The following CDHR5 variants were observed in gnomAD, a reference collection of about 807,000 sequenced individuals.
CDHR5 encodes cadherin-related family member 5.
A neutral mutation model predicts 69.5 loss-of-function variants in CDHR5; 82 were observed. The ratio of observed to expected loss-of-function variants is 1.18; its 90% CI spans 0.99 to 1.42. The LOEUF (loss-of-function observed/expected upper bound fraction) is 1.42. Among genes scored for constraint, CDHR5 ranks in the 40% most tolerant of loss-of-function variants. The pLI is 0.00. For missense variants in CDHR5, 1,293 were observed against 1,168.9 expected (o/e 1.11, Z -1.55); for synonymous variants, 601 against 510.2 (o/e 1.18, Z -2.40).
At position 624,938 on chromosome 11, in the gene CDHR5, G is replaced by A. The variant is rs1857644433; in HGVS notation, c.-36C>T. The A allele has an allele frequency of 1.3e-6, 2 of 1,503,792 alleles. No homozygotes were observed. 93.2% of individuals were successfully genotyped at this position (1,503,792 alleles called of 1,614,324 possible). On this transcript the variant is annotated 5_prime_UTR_variant, in exon 1 of 15. Coordinates refer to ENST00000397542, the MANE Select transcript of CDHR5 (RefSeq NM_021924.5). The surrounding 1 kb of genome is among the most constrained non-coding windows in gnomAD (Gnocchi z 5.3). ...GTCACCTGGCAGGAGGGTCTGAGCGGGTCTGGCGTCTAGGACTGGCGCAGT... is the reference window on the plus strand; with the variant it reads ...GTCACCTGGCAGGAGGGTCTGAGCGAGTCTGGCGTCTAGGACTGGCGCAGT...
chr11:617,576 G>A lies in CDHR5; in HGVS notation c.2313C>T (p.Pro771=). Residue 771 remains proline (P), a synonymous_variant, in exon 15 of 15, where the codon CCC becomes CCT. Transcript: ENST00000397542. ...PPAAARAGGS[P]TAVRSILTKE... is the part of the protein sequence containing the mutation. ...TGGTCAGGATGGACCTCACCGCCGT[G>A]GGGCTTCCGCCAGCTCGGGCCGCTG... is the stretch of plus-strand genomic sequence containing the variant. The A allele has an allele frequency of 1.2e-6, 2 of 1,611,466 alleles. No homozygotes were observed. The highest frequency in any genetic ancestry group is 1.7e-6 in the Non-Finnish European group (2 of 1,179,258).
chr11:621,826 T>G lies in CDHR5; in HGVS notation c.391A>C (p.Ile131Leu), dbSNP rs116176428. Residue 131 changes from isoleucine to leucine, a missense_variant, in exon 4 of 15, where the codon ATA becomes CTA. Physicochemically the swap from Ile to Leu is conservative, Grantham distance 5. Transcript: ENST00000397542. The surrounding 1 kb of genome is among the most constrained non-coding windows in gnomAD (Gnocchi z 4.4). ...GCTGGCCTCACCTCCTCCACCCTTA[T>G]CTCCTTGGTCTTAAAGGGGAATTCG... Reference protein sequence around the residue: ...APEFPFKTKEIRVEEDTKVNS... With the variant: ...APEFPFKTKELRVEEDTKVNS... 23,420 of 1,613,228 alleles carry G rather than the reference T, an allele frequency of 0.015. 201 individuals are homozygous for G. Among genetic ancestry groups the G allele is most frequent in the Non-Finnish European group, 0.018 (20,707 of 1,179,538 alleles).
Position 624,433 on chromosome 11 carries a change from C to G in CDHR5, c.261+124G>C. On this transcript the variant is annotated intron_variant, in intron 2 of 14. Coordinates refer to ENST00000397542, the MANE Select transcript of CDHR5 (RefSeq NM_021924.5). The surrounding 1 kb of genome is among the most constrained non-coding windows in gnomAD (Gnocchi z 5.3). ...CCCAGCCTTCTAGGGCAGGCACCAC[C>G]AAGCATGGGTGTCAGTGGATGCCCG... 9.7e-7 allele frequency: 1 copy of G among 1,030,436 alleles called. No homozygotes were observed. Among genetic ancestry groups the G allele is most frequent in the Non-Finnish European group, 1.5e-6 (1 of 659,850 alleles). The allele number at this position is 1,030,436 out of a possible 1,614,324, so 63.8% of individuals were successfully genotyped here.
chr11:616,973 AGCC>A lies in CDHR5; in HGVS notation c.*375_*377del. 7.7e-6 allele frequency: 2 copies of A among 258,192 alleles called. No homozygotes were observed. The highest frequency in any genetic ancestry group is 7.3e-5 in the South Asian group (1 of 13,752). 16.0% of individuals were successfully genotyped at this position (258,192 alleles called of 1,614,324 possible). On this transcript the variant is annotated 3_prime_UTR_variant, in exon 15 of 15. Transcript: ENST00000397542. ...GGTCGGGAGCGGGAGGTCTGAGATG[AGCC>A]GGGTGCCTGAGATCTCCGGTGCAGG...
At position 620,279 on chromosome 11, in the gene CDHR5, G is replaced by A. The variant is rs975784596; in HGVS notation, c.880+17C>T. 1 of 1,603,734 alleles carries A rather than the reference G, an allele frequency of 6.2e-7. No individual in the cohort carries two copies. The highest frequency in any genetic ancestry group is 8.5e-7 in the Non-Finnish European group (1 of 1,172,584). On this transcript the variant is annotated intron_variant, in intron 8 of 14. Coordinates refer to ENST00000397542, the MANE Select transcript of CDHR5 (RefSeq NM_021924.5). ...AGAGGGGGTACAGGGCATTGTTGAGGGCTGGGCCCCACTCACCCCTAAAGA... is the reference window on the plus strand; with the variant it reads ...AGAGGGGGTACAGGGCATTGTTGAGAGCTGGGCCCCACTCACCCCTAAAGA...
chr11:619,885 G>A lies in CDHR5; in HGVS notation c.979-4C>T, dbSNP rs1304193158. On this transcript the variant is annotated splice_polypyrimidine_tract_variant and splice_region_variant and intron_variant, in intron 9 of 14. Transcript: ENST00000397542. ...GGGCAAGGTCGGCCTGTTGGCCCTG[G>A]AGGCGGGGGAGGCAGCAGTGACTAG... 6.5e-7 allele frequency: 1 copy of A among 1,532,570 alleles called. No individual in the cohort carries two copies. Among genetic ancestry groups the A allele is most frequent in the Middle Eastern group, 1.8e-4 (1 of 5,520 alleles). 94.9% of individuals were successfully genotyped at this position (1,532,570 alleles called of 1,614,324 possible).
chr11:620,927 A>C (rs12360820), intron 7 of CDHR5, among the ~76,000 whole-genome samples, 153 bp downstream of exon 7: 121,097 of 151,974 alleles, frequency 0.8, 48,446 homozygotes, highest in Non-Finnish European at 0.83. Flanking sequence ...GGGTTGGTTT[A>C]CAAGGAGAGT....
intron 13 of CDHR5, 136 bp downstream of exon 13, chr11:618,461 GTC>G: frequency 9.5e-7 from 1 of 1,054,394 alleles, no homozygotes. Flanking sequence ...GCCTGTCTGT[GTC>G]TGTCAGTCCC....
At chr11:619,282 G>T in intron 12 of CDHR5, 24 bp downstream of exon 12, 1 of 1,553,138 alleles carries the variant, frequency 6.4e-7, no homozygotes, top group Non-Finnish European at 8.9e-7. Flanking sequence ...AACCCTGGGG[G>T]CTCACCTGTG....
chr11:620,133 T>C lies in CDHR5; in HGVS notation c.912A>G (p.Pro304=), dbSNP rs1264359190. 1.2e-6 allele frequency: 2 copies of C among 1,613,242 alleles called. No homozygotes were observed. Among genetic ancestry groups the C allele is most frequent in the Admixed American group, 1.7e-5 (1 of 59,924 alleles). The part of the protein sequence containing the change: ...GNVNGTFIIH[P]DSGNLTVARS... Reference sequence around the variant, plus strand: ...TGGCCACGGTGAGGTTGCCCGAGTCTGGGTGGATGATGAATGTACCATTCA... The same window carrying C: ...TGGCCACGGTGAGGTTGCCCGAGTCCGGGTGGATGATGAATGTACCATTCA... Residue 304 remains proline, a synonymous_variant, in exon 9 of 15, where the codon CCA becomes CCG. Transcript: ENST00000397542.
At position 619,096 on chromosome 11, in the gene CDHR5, G is replaced by GA. The variant is rs1266122641; in HGVS notation, c.1462dup (p.Ser488PhefsTer227). 5.6e-6 allele frequency: 9 copies of GA among 1,610,210 alleles called. No individual in the cohort carries two copies. The highest frequency in any genetic ancestry group is 7.6e-6 in the Non-Finnish European group (9 of 1,179,020). ...AGAGCTGGTCGTGGAGGGTCCCTGGGAGGGCTCAGGGGGTCTGGGGACCTC... is the reference window on the plus strand; with the variant it reads ...AGAGCTGGTCGTGGAGGGTCCCTGGGAAGGGCTCAGGGGGTCTGGGGACCTC... On this transcript the variant is annotated frameshift_variant, in exon 13 of 15. Coordinates refer to ENST00000397542, the MANE Select transcript of CDHR5 (RefSeq NM_021924.5). LOFTEE classifies it high-confidence loss of function.
chr11:619,220 C>T (rs776853543), intron 12 of CDHR5, 40 bp from the exon 13 acceptor site: 2 of 1,469,436 alleles, frequency 1.4e-6, no homozygotes, highest in Non-Finnish European at 1.9e-6. Flanking sequence ...CCTCTGCCCG[C>T]CCCTTGCACA....
At position 617,248 on chromosome 11, in the gene CDHR5, G is replaced by C; in HGVS notation, c.*103C>G. 1.1e-6 allele frequency: 1 copy of C among 942,220 alleles called. No individual in the cohort carries two copies. Among genetic ancestry groups the C allele is most frequent in the Non-Finnish European group, 1.6e-6 (1 of 624,464 alleles). 58.4% of individuals were successfully genotyped at this position (942,220 alleles called of 1,614,324 possible). A position where few individuals can be genotyped will look rare whatever the true frequency, so the allele number is the denominator to read the frequency against. ...GACCCGCGCGCCTGCCCCACGCCATGGCCTGGGTTTCGGGAGCCTTGCTTT... is the reference window on the plus strand; with the variant it reads ...GACCCGCGCGCCTGCCCCACGCCATCGCCTGGGTTTCGGGAGCCTTGCTTT... On this transcript the variant is annotated 3_prime_UTR_variant, in exon 15 of 15. Transcript: ENST00000397542.
chr11:619,679 A>T lies in CDHR5; in HGVS notation c.1179+2T>A. The T allele has an allele frequency of 2.5e-6, 4 of 1,613,200 alleles. No homozygotes were observed. Among genetic ancestry groups the T allele is most frequent in the Non-Finnish European group, 3.4e-6 (4 of 1,179,814 alleles). On this transcript the variant is annotated splice_donor_variant, in intron 10 of 14. Coordinates refer to ENST00000397542, the MANE Select transcript of CDHR5 (RefSeq NM_021924.5). LOFTEE classifies it high-confidence loss of function. ...AGGGGAGGCCTTGGATGCACTCTCT[A>T]CCGAGAACTCCGGGTCCTGAGCCTG... is the stretch of plus-strand genomic sequence containing the variant.
Position 621,949 on chromosome 11 carries a change from G to C in CDHR5, c.313-45C>G. The C allele has an allele frequency of 6.7e-7, 1 of 1,491,960 alleles. No homozygotes were observed. The highest frequency in any genetic ancestry group is 9.3e-7 in the Non-Finnish European group (1 of 1,076,994). The allele number at this position is 1,491,960 out of a possible 1,614,324, so 92.4% of individuals were successfully genotyped here. A position where few individuals can be genotyped will look rare whatever the true frequency, so the allele number is the denominator to read the frequency against. ...GCCTCTCCCACAGCCCCTCCCCGTTGTGAGGTGCACCCCTCGACGGCTATC... is the reference window on the plus strand; with the variant it reads ...GCCTCTCCCACAGCCCCTCCCCGTTCTGAGGTGCACCCCTCGACGGCTATC... On this transcript the variant is annotated intron_variant, in intron 3 of 14. Coordinates refer to ENST00000397542, the MANE Select transcript of CDHR5 (RefSeq NM_021924.5). This position sits in a 1 kb window ranked among gnomAD's most constrained non-coding sequence, Gnocchi z 4.4.
At position 624,612 on chromosome 11, in the gene CDHR5, A is replaced by G. The variant is rs1477664954; in HGVS notation, c.206T>C (p.Phe69Ser). Reference protein sequence around the residue: ...EVTLGALSTPFAFRIQGNQLF... With the variant: ...EVTLGALSTPSAFRIQGNQLF... ...CTGGTTTCCCTGGATCCGAAATGCA[A>G]AGGGGGTGGACAAGGCTCCGAGGGT... Residue 69 changes from phenylalanine to serine, a missense_variant, in exon 2 of 15, where the codon TTT (phenylalanine) becomes TCT (serine). Coordinates refer to ENST00000397542, the MANE Select transcript of CDHR5 (RefSeq NM_021924.5). The surrounding 1 kb of genome is among the most constrained non-coding windows in gnomAD (Gnocchi z 5.3). 1.2e-6 allele frequency: 2 copies of G among 1,612,432 alleles called. No individual in the cohort carries two copies. The highest frequency in any genetic ancestry group is 1.1e-5 in the South Asian group (1 of 90,986).
At position 619,078 on chromosome 11, in the gene CDHR5, G is replaced by C; in HGVS notation, c.1481C>G (p.Thr494Ser). 2 of 1,612,206 alleles carry C rather than the reference G, an allele frequency of 1.2e-6. No homozygotes were observed. Among genetic ancestry groups the C allele is most frequent in the South Asian group, 1.1e-5 (1 of 91,070 alleles). The change falls in exon 13 of 15, where the codon ACC (threonine) becomes AGC (serine). Residue 494 changes from threonine (T) to serine (S), a missense_variant. Physicochemically the swap from Thr to Ser is moderately conservative, Grantham distance 58. Coordinates refer to ENST00000397542, the MANE Select transcript of CDHR5 (RefSeq NM_021924.5). ...AGGGCCTGTGCCTCCCCCAGAGCTGGTCGTGGAGGGTCCCTGGGAGGGCTC... is the reference window on the plus strand; with the variant it reads ...AGGGCCTGTGCCTCCCCCAGAGCTGCTCGTGGAGGGTCCCTGGGAGGGCTC... ...PPEPSQGPST[T>S]SSGGGTGPHP... is the part of the protein sequence containing the mutation.
In CDHR5 at chr11:617,153, A is replaced by C. The variant is rs1052026267; in HGVS notation, c.*198T>G. 2 of 591,454 alleles carry C rather than the reference A, an allele frequency of 3.4e-6. No individual in the cohort carries two copies. Among genetic ancestry groups the C allele is most frequent in the African/African-American group, 3.8e-5 (2 of 52,842 alleles). The allele number at this position is 591,454 out of a possible 1,614,324, so 36.6% of individuals were successfully genotyped here. ...GGGTGGGGACAGCGTGGCCAGACCC[A>C]CCGCCTCATCTGCACACCTGGGCTC... On this transcript the variant is annotated 3_prime_UTR_variant, in exon 15 of 15. Coordinates refer to ENST00000397542, the MANE Select transcript of CDHR5 (RefSeq NM_021924.5).
chr11:623,610 C>G (rs897908783), intron 3 of CDHR5, among the ~76,000 whole-genome samples: 1 of 151,904 alleles, frequency 6.6e-6, no homozygotes, highest in Non-Finnish European at 1.5e-5. Context: ...TGCAGTGGAG[C>G]CTCTGCACAG....
Sources: allele counts gnomAD v4.1 joint callset (sites outside exome capture counted in the v4.1 genomes callset), GRCh38; gene constraint gnomAD v4.1.1; non-coding constraint Gnocchi (gnomAD v3.1); transcripts MANE v1.5; gene names NCBI Gene and HGNC (gene_info 2026-07-23, HGNC 2026-07-21).